The following MAP2K6 variants were observed in gnomAD, a reference collection of about 807,000 sequenced individuals.
The protein encoded by MAP2K6 is dual specificity mitogen-activated protein kinase kinase 6.
A neutral mutation model predicts 53.7 loss-of-function variants in MAP2K6; 16 were observed. The observed-to-expected ratio is 0.30, with a 90% confidence interval of 0.20 to 0.45. The LOEUF is 0.45. Ranked by LOEUF, MAP2K6 falls within the 20% of genes least tolerant of loss-of-function variation. The pLI, the probability that MAP2K6 is intolerant of heterozygous loss-of-function variation, is 1.00. For synonymous variants in MAP2K6, 132 were observed against 143.1 expected (o/e 0.92, Z 0.55); for missense variants, 204 against 411.9 (o/e 0.50, Z 4.37).
chr17:69,550,285 C>G lies in MAP2K6; in HGVS notation c.*8532C>G, dbSNP rs1179868361. 1 of 152,000 alleles carries G rather than the reference C, an allele frequency of 6.6e-6. No individual in the cohort carries two copies. Among genetic ancestry groups the G allele is most frequent in the Non-Finnish European group, 1.5e-5 (1 of 67,984 alleles). The allele number at this position is 152,000 out of a possible 1,614,324, so 9.4% of individuals were successfully genotyped here. A position where few individuals can be genotyped will look rare whatever the true frequency, so the allele number is the denominator to read the frequency against. On this transcript the variant is annotated 3_prime_UTR_variant, in exon 12 of 12. Coordinates refer to ENST00000590474, the MANE Select transcript of MAP2K6 (RefSeq NM_002758.4). ...TGCCTAAAGCATTTTGAGAATATAC[C>G]CCTCATCCATCAGCCACCTCTGGGT...
chr17:69,422,817 G>A (rs989375022), intron 1 of MAP2K6, among the ~76,000 whole-genome samples: 1 of 152,224 alleles, frequency 6.6e-6, no homozygotes, highest in Non-Finnish European at 1.5e-5. Flanking sequence ...ATGTCTGACT[G>A]GTGGGCCTGT....
rs981753416 is a variant in MAP2K6, at chr17:69,513,426, G to A, written c.84-3429G>A. Among the ~76,000 whole-genome samples the A allele has an allele frequency of 3.3e-5, 5 of 152,072 alleles. No individual in the cohort carries two copies. In the East Asian group the frequency reaches 5.8e-4, roughly 18 times the overall value. On this transcript the variant is annotated intron_variant, in intron 2 of 11. Transcript: ENST00000590474. ...TGACTTGAGTTTTATTTTCAGCTCC[G>A]TTGATGACCGTATGGCTTCAGAAAA...
chr17:69,484,703 G>T (rs529895838), intron 1 of MAP2K6, among the ~76,000 whole-genome samples: 5 of 151,982 alleles, frequency 3.3e-5, no homozygotes, highest in Non-Finnish European at 7.4e-5. Flanking sequence ...TAAATAAAAG[G>T]TGGCACAGGT....
rs1912046495 is a variant in MAP2K6, at chr17:69,550,382, T to A, written c.*8629T>A. Reference sequence around the variant, plus strand: ...AGAGGGCAGACATTTTTAAGAAAGGTGAATGTTAGAGAAGGTTACCTGATG... The same window carrying A: ...AGAGGGCAGACATTTTTAAGAAAGGAGAATGTTAGAGAAGGTTACCTGATG... On this transcript the variant is annotated 3_prime_UTR_variant, in exon 12 of 12. Transcript: ENST00000590474. 1.3e-5 allele frequency: 2 copies of A among 152,034 alleles called. No individual in the cohort carries two copies. The highest frequency in any genetic ancestry group is 2.9e-5 in the Non-Finnish European group (2 of 68,008). The allele number at this position is 152,034 out of a possible 1,614,324, so 9.4% of individuals were successfully genotyped here. A position where few individuals can be genotyped will look rare whatever the true frequency, so the allele number is the denominator to read the frequency against.
At chr17:69,491,164 G>T (rs1159832933) in intron 1 of MAP2K6, among the ~76,000 whole-genome samples, 4 of 135,668 alleles carry the variant, frequency 2.9e-5, no homozygotes, top group Non-Finnish European at 3.0e-5. Context: ...TCTTTTTTTT[G>T]ACGGAGTCTC....
At chr17:69,457,409 A>G (rs896150825) in intron 1 of MAP2K6, among the ~76,000 whole-genome samples, 3 of 152,202 alleles carry the variant, frequency 2.0e-5, no homozygotes, top group African/African-American at 7.2e-5. Flanking sequence ...CTGAATGAAC[A>G]TAGGAGCTCA....
intron 1 of MAP2K6, among the ~76,000 whole-genome samples, chr17:69,455,041 T>C (rs1456053209): frequency 6.6e-6 from 1 of 151,964 alleles, no homozygotes; most frequent in Admixed American, 6.6e-5. Context: ...TATTATTTTT[T>C]TTTTTTTTTG....
At chr17:69,448,164 TCCCCAGGA>T (rs1907037716) in intron 1 of MAP2K6, among the ~76,000 whole-genome samples, 1 of 151,950 alleles carries the variant, frequency 6.6e-6, no homozygotes, top group Non-Finnish European at 1.5e-5. Context: ...CTAATGTATA[TCCCCAGGA>T]CCCCTTACCC....
intron 1 of MAP2K6, among the ~76,000 whole-genome samples, chr17:69,416,872 A>C (rs1232696150): frequency 3.3e-5 from 5 of 152,226 alleles, no homozygotes; most frequent in Non-Finnish European, 7.3e-5. Flanking sequence ...GGTCTAAACT[A>C]AATCAGGCTC....
At chr17:69,466,663 A>G (rs1907823100) in intron 1 of MAP2K6, among the ~76,000 whole-genome samples, 1 of 152,238 alleles carries the variant, frequency 6.6e-6, no homozygotes, top group Admixed American at 6.5e-5. Flanking sequence ...ATCCCGTGGC[A>G]TTTTCTTACA....
chr17:69,505,555 C>A (rs189542970), intron 1 of MAP2K6: 54 of 425,878 alleles, frequency 1.3e-4, no homozygotes, highest in African/African-American at 8.2e-4. Context: ...GCCCCCTGGA[C>A]TAATGAAAAA....
intron 1 of MAP2K6, among the ~76,000 whole-genome samples, chr17:69,458,334 T>C (rs1907495076): frequency 6.6e-6 from 1 of 152,214 alleles, no homozygotes; most frequent in Non-Finnish European, 1.5e-5. Flanking sequence ...ATTCCAGGCG[T>C]GAGCCACTGC....
chr17:69,461,817 A>G (rs1907630742), intron 1 of MAP2K6, among the ~76,000 whole-genome samples: 1 of 152,328 alleles, frequency 6.6e-6, no homozygotes, highest in Middle Eastern at 3.4e-3. Context: ...GAAGGAGTTC[A>G]GGCCAGCAAG....
chr17:69,427,327 A>G (rs1906305360), intron 1 of MAP2K6, among the ~76,000 whole-genome samples: 1 of 152,212 alleles, frequency 6.6e-6, no homozygotes, highest in South Asian at 2.1e-4. Flanking sequence ...TTTCTCAAGC[A>G]TGATACTGGA....
chr17:69,452,680 A>T (rs1358862574), intron 1 of MAP2K6, among the ~76,000 whole-genome samples: 1 of 152,232 alleles, frequency 6.6e-6, no homozygotes, highest in Non-Finnish European at 1.5e-5. Context: ...AGGGGCTCTT[A>T]CAATAGCCTC....
intron 1 of MAP2K6, chr17:69,433,780 G>A (rs1482655358): frequency 1.3e-5 from 2 of 152,204 alleles, no homozygotes; most frequent in Non-Finnish European, 2.9e-5. Context: ...AGTCAAAGCA[G>A]ATACAGCTTT....
At chr17:69,521,296 AGAC>A in intron 7 of MAP2K6, 196 bp downstream of exon 7, 2 of 441,524 alleles carry the variant, frequency 4.5e-6, no homozygotes, top group Non-Finnish European at 8.0e-6. Flanking sequence ...CATAAGAAGA[AGAC>A]GTGATCTTTG....
chr17:69,504,732 T>C (rs557295184), intron 1 of MAP2K6, among the ~76,000 whole-genome samples: 415 of 152,322 alleles, frequency 2.7e-3, no homozygotes, highest in African/African-American at 9.4e-3. Flanking sequence ...TGTTCTTTTT[T>C]ACTCATCAAC....
chr17:69,499,333 GA>G (rs1909067037), intron 1 of MAP2K6, among the ~76,000 whole-genome samples: 1 of 152,186 alleles, frequency 6.6e-6, no homozygotes, highest in African/African-American at 2.4e-5. Flanking sequence ...AGTATTTATT[GA>G]GCACCTATAT....
Sources: allele counts gnomAD v4.1 joint callset (sites outside exome capture counted in the v4.1 genomes callset), GRCh38; gene constraint gnomAD v4.1.1; transcripts MANE v1.5; gene names NCBI Gene and HGNC (gene_info 2026-07-23, HGNC 2026-07-21).